The following MOK variants were observed in gnomAD, a reference collection of about 807,000 sequenced individuals.
MOK encodes MAPK/MAK/MRK overlapping kinase.
Under a neutral mutation model 54.2 loss-of-function variants are expected in MOK, and 59 were observed. The ratio of observed to expected loss-of-function variants is 1.09; its 90% CI spans 0.88 to 1.35. MOK has a LOEUF of 1.35. Ranked by LOEUF, MOK falls within the 40% of genes most tolerant of loss-of-function variation. MOK has a pLI of 0.00. For missense variants in MOK, 517 were observed against 526.2 expected, an observed-to-expected ratio of 0.98 and a Z score of 0.17; for synonymous variants, 210 against 202.7, an observed-to-expected ratio of 1.04 and a Z score of -0.31.
At chr14:102,216,347 C>A in the MOK span, among the ~76,000 whole-genome samples, 34 of 152,318 alleles carry the variant, frequency 2.2e-4, no homozygotes, top group African/African-American at 7.7e-4. Context: ...GGGTCTCGCT[C>A]TGTTGCCCGA....
chr14:102,290,936 G>A (rs2070704329), intron 1 of MOK, among the ~76,000 whole-genome samples: 2 of 152,050 alleles, frequency 1.3e-5, no homozygotes, highest in African/African-American at 4.8e-5. Context: ...CCCCAGCACC[G>A]CTCTAGATCC....
At chr14:102,252,066 TC>T in intron 4 of MOK, 71 bp from the exon 5 acceptor site, 15 of 906,050 alleles carry the variant, frequency 1.7e-5, no homozygotes, top group Non-Finnish European at 2.4e-5. Flanking sequence ...ATAAAAATAA[TC>T]TATTTTTATT....
At chr14:102,304,910 C>G (rs1223586340) in intron 1 of MOK, 52 bp downstream of exon 1, 1 of 1,539,240 alleles carries the variant, frequency 6.5e-7, no homozygotes. Flanking sequence ...CAGTCCCTCC[C>G]TCCCCCGCCA....
chr14:102,265,868 C>T lies in MOK; in HGVS notation c.167G>A (p.Arg56His), dbSNP rs746962840. ...AAGAATGTTTGGGTGCGGATTCAGG[C>T]GCCTCAGTGCTTGGATCTCTCGTAG... ...NNLREIQALR[R>H]LNPHPNILML... is the part of the protein sequence containing the mutation. Residue 56 changes from arginine (R) to histidine (H), a missense_variant, in exon 3 of 12, where the codon CGC becomes CAC. Arg to His is a conservative substitution (Grantham distance 29, BLOSUM62 0). Coordinates refer to ENST00000361847, the MANE Select transcript of MOK (RefSeq NM_014226.3). 11 of 1,613,820 alleles carry T rather than the reference C, an allele frequency of 6.8e-6. No homozygotes were observed. The South Asian group carries it at 7.7e-5, about 11-fold the overall frequency.
At chr14:102,242,971 G>C (rs2065831041) in intron 7 of MOK, among the ~76,000 whole-genome samples, 1 of 152,044 alleles carries the variant, frequency 6.6e-6, no homozygotes, top group Non-Finnish European at 1.5e-5. Context: ...CAAATTACCT[G>C]GGCTGTACTG....
At chr14:102,280,476 G>A (rs1171594633) in intron 2 of MOK, among the ~76,000 whole-genome samples, 2 of 152,148 alleles carry the variant, frequency 1.3e-5, no homozygotes, top group Non-Finnish European at 2.9e-5. Context: ...CTTCCAACGT[G>A]CTGGGATTAC....
chr14:102,295,454 T>C (rs1419066724), intron 1 of MOK, among the ~76,000 whole-genome samples: 2 of 152,202 alleles, frequency 1.3e-5, no homozygotes, highest in South Asian at 4.1e-4. Flanking sequence ...GTGCTGTTTA[T>C]AAAGTTCTTA....
intron 1 of MOK, among the ~76,000 whole-genome samples, chr14:102,290,597 G>C (rs1384716087): frequency 6.6e-6 from 1 of 152,194 alleles, no homozygotes; most frequent in Admixed American, 6.5e-5. Context: ...ACTGGTCTGT[G>C]TTATGAGCAA....
rs1197414796 is a variant in MOK, at chr14:102,232,590, C to T, written c.811G>A (p.Asp271Asn). Residue 271 changes from aspartate (D) to asparagine (N), a missense_variant, in exon 9 of 12, where the codon GAT becomes AAT. By Grantham distance (23) the Asp-to-Asn change is conservative. Coordinates refer to ENST00000361847, the MANE Select transcript of MOK (RefSeq NM_014226.3). This position sits in a 1 kb window ranked among gnomAD's most constrained non-coding sequence, Gnocchi z 5.1. ...LLHAMVAYDP[D>N]ERIAAHQALQ... is the part of the protein sequence containing the mutation. ...GCCTGGTGGGCGGCGATTCTCTCATCGGGATCATAGGCCACCATTGCGTGC... is the reference window on the plus strand; with the variant it reads ...GCCTGGTGGGCGGCGATTCTCTCATTGGGATCATAGGCCACCATTGCGTGC... 5.6e-6 allele frequency: 9 copies of T among 1,613,794 alleles called. No individual in the cohort carries two copies. Among genetic ancestry groups the T allele is most frequent in the African/African-American group, 2.7e-5 (2 of 74,884 alleles).
At position 102,275,373 on chromosome 14, in the gene MOK, G is replaced by A. The variant is rs140672041; in HGVS notation, c.122+8105C>T. On this transcript the variant is annotated intron_variant, in intron 2 of 11. Transcript: ENST00000361847. The stretch of plus-strand genomic sequence containing the variant: ...AGGTCAGGAGATCGAGACCATCCTG[G>A]CTAACACGGTGAAACCCCGTCTCTA... Among the ~76,000 whole-genome samples, 84 of 152,252 alleles carry A rather than the reference G, an allele frequency of 5.5e-4. No homozygotes were observed. The East Asian group carries it at 0.013, about 23-fold the overall frequency.
chr14:102,276,349 C>T lies in MOK; in HGVS notation c.122+7129G>A, dbSNP rs184717167. On this transcript the variant is annotated intron_variant, in intron 2 of 11. Coordinates refer to ENST00000361847, the MANE Select transcript of MOK (RefSeq NM_014226.3). ...AAATACAAAAAAAAAATTAGCCGGGCGTGGTGGCGGGCGCCTGTAGTCCCA... is the reference window on the plus strand; with the variant it reads ...AAATACAAAAAAAAAATTAGCCGGGTGTGGTGGCGGGCGCCTGTAGTCCCA... Among the ~76,000 whole-genome samples the T allele has an allele frequency of 7.0e-4, 107 of 151,830 alleles. 1 individual carries two copies. The East Asian group carries it at 0.015, about 21-fold the overall frequency.
At chr14:102,259,135 T>A (rs1055104735) in intron 4 of MOK, among the ~76,000 whole-genome samples, 2 of 152,290 alleles carry the variant, frequency 1.3e-5, no homozygotes, top group East Asian at 3.9e-4. Context: ...GCTGCTTCTT[T>A]ATCTTCCCAG....
chr14:102,223,070 G>GT, downstream of MOK: 1 of 571,846 alleles, frequency 1.7e-6, no homozygotes, highest in Non-Finnish European at 3.0e-6. Flanking sequence ...CAAAGAAGTT[G>GT]TTTCCATTTT....
the MOK span, among the ~76,000 whole-genome samples, chr14:102,219,405 C>T: frequency 3.3e-5 from 5 of 152,222 alleles, no homozygotes; most frequent in African/African-American, 4.8e-5. Flanking sequence ...AGTGCTGTGT[C>T]GCACCCCCTG....
At chr14:102,251,523 C>A in intron 6 of MOK, 1 of 604,294 alleles carries the variant, frequency 1.7e-6, no homozygotes, top group Non-Finnish European at 3.1e-6. Context: ...TTTTTGTCTG[C>A]GGTGTGAAAA....
intron 7 of MOK, among the ~76,000 whole-genome samples, chr14:102,234,599 T>A (rs2065046469): frequency 6.6e-6 from 1 of 151,998 alleles, no homozygotes; most frequent in African/African-American, 2.4e-5. Context: ...TCTACCCCCC[T>A]CCCTTCCATT....
rs941536159 is a variant in MOK, at chr14:102,252,128, T to C, written c.284-133A>G. Reference sequence around the variant, plus strand: ...CCCTGTAAAAAATAATCTGAAGTAGTCTTAGGAAATATGTAGTGTGCCTAC... The same window carrying C: ...CCCTGTAAAAAATAATCTGAAGTAGCCTTAGGAAATATGTAGTGTGCCTAC... On this transcript the variant is annotated intron_variant, in intron 4 of 11. Transcript: ENST00000361847. 9.6e-6 allele frequency: 6 copies of C among 626,984 alleles called. No homozygotes were observed. In the Admixed American group the frequency reaches 1.9e-4, roughly 19 times the overall value. 38.8% of individuals were successfully genotyped at this position (626,984 alleles called of 1,614,324 possible).
chr14:102,272,399 T>C (rs1413278059), intron 2 of MOK, among the ~76,000 whole-genome samples: 1 of 151,670 alleles, frequency 6.6e-6, no homozygotes, highest in African/African-American at 2.4e-5. Flanking sequence ...GAAGCAGAAT[T>C]GCTTGAGGCG....
chr14:102,264,450 T>C (rs948039745), intron 3 of MOK: 5 of 151,482 alleles, frequency 3.3e-5, no homozygotes, highest in African/African-American at 1.2e-4. Context: ...AACTTCTGAG[T>C]TCAAGCAGGC....
Sources: gnomAD v4.1 joint callset for allele counts (sites outside exome capture counted in the v4.1 genomes callset) on GRCh38, gnomAD v4.1.1 for gene constraint, Gnocchi (gnomAD v3.1) non-coding constraint, MANE v1.5 for transcripts, NCBI Gene and HGNC (gene_info 2026-07-23, HGNC 2026-07-21) for gene names.